Variants in AP1M2 observed in about 807,000 individuals in gnomAD.
AP1M2 encodes adaptor related protein complex 1 subunit mu 2.
AP1M2 carries 41 observed loss-of-function variants against 54.6 expected under a neutral mutation model. The observed-to-expected ratio is 0.75, with a 90% CI of 0.59 to 0.97. The LOEUF (loss-of-function observed/expected upper bound fraction) is 0.97, where lower values mean the gene tolerates loss of function less well. Ranked by LOEUF, AP1M2 falls within the 50% of genes least tolerant of loss-of-function variation. The pLI is 0.00. For synonymous variants in AP1M2, 219 were observed against 215.9 expected (o/e 1.01, Z -0.13); for missense variants, 507 against 561.2 (o/e 0.90, Z 0.98).
chr19:10,576,278 T>TG (rs1917232777), intron 9 of AP1M2, among the ~76,000 whole-genome samples: 1 of 124,768 alleles, frequency 8.0e-6, no homozygotes, highest in South Asian at 2.7e-4. Context: ...TTTTTTTTTT[T>TG]TTGAAATGGA....
chr19:10,584,333 C>G (rs1215375288), intron 1 of AP1M2, among the ~76,000 whole-genome samples: 1 of 152,188 alleles, frequency 6.6e-6, no homozygotes, highest in African/African-American at 2.4e-5. Flanking sequence ...GTGATCCCAG[C>G]ATTTTGGGAG....
intron 1 of AP1M2, among the ~76,000 whole-genome samples, chr19:10,585,525 C>T (rs566801301): frequency 1.2e-4 from 18 of 151,678 alleles, no homozygotes; most frequent in Admixed American, 2.0e-4. Flanking sequence ...GATGAAACCC[C>T]GTCTCTACTA....
Position 10,579,926 on chromosome 19 carries a change from C to T in AP1M2, c.674-68G>A. 3 of 1,469,908 alleles carry T rather than the reference C, an allele frequency of 2.0e-6. No homozygotes were observed. In the South Asian group the frequency reaches 4.1e-5, roughly 20 times the overall value. The allele number at this position is 1,469,908 out of a possible 1,614,324, so 91.1% of individuals were successfully genotyped here. A position where few individuals can be genotyped will look rare whatever the true frequency, so the allele number is the denominator to read the frequency against. On this transcript the variant is annotated intron_variant, in intron 6 of 11. Coordinates refer to ENST00000250244, the MANE Select transcript of AP1M2 (RefSeq NM_005498.5). ...GGAAAGGATCCCTATCCCCACCTTT[C>T]CTGCCGACCACTGTCACCTATTTCA... is the stretch of plus-strand genomic sequence containing the variant.
chr19:10,583,455 C>G, intron 3 of AP1M2, 151 bp downstream of exon 3: 4 of 574,874 alleles, frequency 7.0e-6, no homozygotes, highest in Non-Finnish European at 1.2e-5. Flanking sequence ...GGCAATATAG[C>G]AAGACCCCAT....
intron 8 of AP1M2, among the ~76,000 whole-genome samples, chr19:10,577,838 G>A (rs1012503062): frequency 2.0e-5 from 3 of 151,068 alleles, no homozygotes; most frequent in Non-Finnish European, 2.9e-5. Flanking sequence ...CTGGGTTCAA[G>A]CAATTCTCCT....
chr19:10,581,718 G>C (rs375046722), intron 4 of AP1M2, 30 bp downstream of exon 4: 1 of 1,612,154 alleles, frequency 6.2e-7, no homozygotes, highest in Non-Finnish European at 8.5e-7. Context: ...CCACAGTCCA[G>C]CCCATGGCTG....
In AP1M2 at chr19:10,586,986, C is replaced by A. The variant is rs1386203292; in HGVS notation, c.42+204G>T. 7.9e-5 allele frequency among the ~76,000 whole-genome samples: 12 copies of A among 152,272 alleles called. No homozygotes were observed. In the East Asian group the frequency reaches 2.3e-3, roughly 29 times the overall value. On this transcript the variant is annotated intron_variant, in intron 1 of 11. Transcript: ENST00000250244. Reference sequence around the variant, plus strand: ...GGGACCTCTGTTGCTCCCATTTTTACATACAGAGAAACTGAGGCCCTAGGA... The same window carrying A: ...GGGACCTCTGTTGCTCCCATTTTTAAATACAGAGAAACTGAGGCCCTAGGA...
In AP1M2 at chr19:10,578,917, T is replaced by C. The variant is rs1917336183; in HGVS notation, c.863A>G (p.His288Arg). Residue 288 changes from histidine (H) to arginine (R), a missense_variant, in exon 8 of 12, where the codon CAC becomes CGC. By Grantham distance (29) the His-to-Arg change is conservative. Coordinates refer to ENST00000250244, the MANE Select transcript of AP1M2 (RefSeq NM_005498.5). ...WIESVIEKFS[H>R]SRVEIMVKAK... The stretch of plus-strand genomic sequence containing the variant: ...CTTGACCATGATCTCCACGCGGCTG[T>C]GGGAGAACTTCTCAATGACAGACTC... 6.2e-7 allele frequency: 1 copy of C among 1,607,774 alleles called. No individual in the cohort carries two copies. Among genetic ancestry groups the C allele is most frequent in the Non-Finnish European group, 8.5e-7 (1 of 1,177,076 alleles).
At chr19:10,573,950 C>A (rs1319032939) in intron 11 of AP1M2, among the ~76,000 whole-genome samples, 7 of 152,056 alleles carry the variant, frequency 4.6e-5, no homozygotes, top group Non-Finnish European at 8.8e-5. Flanking sequence ...TGTGAGCCAC[C>A]ACACCCAGCC....
At chr19:10,583,280 GA>G (rs1157063202) in intron 3 of AP1M2, among the ~76,000 whole-genome samples, 1 of 152,052 alleles carries the variant, frequency 6.6e-6, no homozygotes, top group Non-Finnish European at 1.5e-5. Flanking sequence ...TTTAGGGAGA[GA>G]TGACTTCATA....
At chr19:10,573,189 C>T in intron 11 of AP1M2, 101 bp from the exon 12 acceptor site, 1 of 1,117,068 alleles carries the variant, frequency 9.0e-7, no homozygotes, top group African/African-American at 1.5e-5. Context: ...GAGGTCGAGG[C>T]AGGTGGATCA....
chr19:10,581,452 C>G, intron 5 of AP1M2, 35 bp downstream of exon 5: 1 of 1,611,112 alleles, frequency 6.2e-7, no homozygotes, highest in Non-Finnish European at 8.5e-7. Context: ...GCAGCCAGGC[C>G]GTGGAAGGGG....
intron 1 of AP1M2, among the ~76,000 whole-genome samples, chr19:10,584,611 A>T (rs1485481799): frequency 1.3e-5 from 2 of 150,612 alleles, no homozygotes; most frequent in African/African-American, 2.4e-5. Context: ...AGAAAGAAAG[A>T]AAGTAAAGAA....
chr19:10,581,185 C>T (rs1325996447), intron 6 of AP1M2, 81 bp downstream of exon 6: 12 of 1,512,624 alleles, frequency 7.9e-6, no homozygotes, highest in East Asian at 2.3e-5. Context: ...AAACGGGCTG[C>T]GATTCTCTTA....
chr19:10,573,426 A>G (rs907207962), intron 11 of AP1M2, among the ~76,000 whole-genome samples: 14 of 151,832 alleles, frequency 9.2e-5, no homozygotes, highest in African/African-American at 3.4e-4. Context: ...CTCAAAAAAG[A>G]AAAGAAATGG....
intron 11 of AP1M2, among the ~76,000 whole-genome samples, chr19:10,574,051 G>A (rs559341987): frequency 6.6e-6 from 1 of 152,082 alleles, no homozygotes; most frequent in African/African-American, 2.4e-5. Flanking sequence ...TTTTGAGACA[G>A]GGTTTCTGTC....
rs71297575 is a variant in AP1M2, at chr19:10,585,283, AAAAGAAAGAAAGAAAG to A, written c.43-1229_43-1214del. Among the ~76,000 whole-genome samples, 110 of 104,632 alleles carry A rather than the reference AAAAGAAAGAAAGAAAG, an allele frequency of 1.1e-3. 1 individual carries two copies. Among genetic ancestry groups the A allele is most frequent in the Admixed American group, 2.1e-3 (22 of 10,412 alleles). The allele number at this position is 104,632 out of a possible 152,430, so 68.6% of individuals were successfully genotyped here. ...AAGAAGGAAAGAAAGAAAGAAGAAA[AAAAGAAAGAAAGAAAG>A]AAAGAAAGAAAGAAAGAAAGAAAGA... On this transcript the variant is annotated intron_variant, in intron 1 of 11. Transcript: ENST00000250244.
intron 1 of AP1M2, among the ~76,000 whole-genome samples, chr19:10,584,654 G>A (rs1568434381): frequency 1.4e-5 from 2 of 139,490 alleles, no homozygotes; most frequent in Non-Finnish European, 3.1e-5. Flanking sequence ...GAGGGTAGGA[G>A]GGAAGGAAGG....
chr19:10,581,602 G>A lies in AP1M2; in HGVS notation c.431C>T (p.Thr144Met), dbSNP rs370107597. 1.1e-5 allele frequency: 17 copies of A among 1,613,868 alleles called. No individual in the cohort carries two copies. The highest frequency in any genetic ancestry group is 2.2e-5 in the South Asian group (2 of 91,052). ...AGTGGGTGGCACCCGTGACTTGCCCGTCTCCAGCTTGTTGCTCTGCTGAGT... is the reference window on the plus strand; with the variant it reads ...AGTGGGTGGCACCCGTGACTTGCCCATCTCCAGCTTGTTGCTCTGCTGAGT... ...YITQQSNKLETGKSRVPPTVT... is the reference protein window; with the variant it reads ...YITQQSNKLEMGKSRVPPTVT... Residue 144 changes from threonine to methionine, a missense_variant, in exon 5 of 12, where the codon ACG becomes ATG. Physicochemically the swap from Thr to Met is moderately conservative, Grantham distance 81. Transcript: ENST00000250244.
Sources: allele counts gnomAD v4.1 joint callset (sites outside exome capture counted in the v4.1 genomes callset), GRCh38; gene constraint gnomAD v4.1.1; transcripts MANE v1.5; gene names NCBI Gene and HGNC (gene_info 2026-07-23, HGNC 2026-07-21).